The following CCDC77 variants were observed in gnomAD, a reference collection of about 807,000 sequenced individuals.
CCDC77 encodes coiled-coil domain containing 77.
CCDC77 carries 56 observed loss-of-function variants against 66.8 expected under a neutral mutation model. The observed-to-expected ratio is 0.84, with a 90% CI of 0.68 to 1.05. The LOEUF (loss-of-function observed/expected upper bound fraction) is 1.05, where lower values mean the gene tolerates loss of function less well. CCDC77 is among the 50% of genes least tolerant of loss of function. The pLI, the probability that CCDC77 is intolerant of heterozygous loss-of-function variation, is 0.00. For synonymous variants in CCDC77, 196 were observed against 195.2 expected, an observed-to-expected ratio of 1.00 and a Z score of -0.03; for missense variants, 570 against 576.8, an observed-to-expected ratio of 0.99 and a Z score of 0.12.
At chr12:389,392 TTCTTCTTC>T in exon 1 of CCDC77, 1 of 553,326 alleles carries the variant, frequency 1.8e-6, no homozygotes, top group Non-Finnish European at 3.3e-6. Context: ...TGGCCTTTCC[TTCTTCTTC>T]TCTTCCCCGG....
chr12:413,929 G>A (rs1738685607), intron 4 of CCDC77, among the ~76,000 whole-genome samples: 1 of 151,626 alleles, frequency 6.6e-6, no homozygotes, highest in Non-Finnish European at 1.5e-5. Context: ...CGCCCAGCTG[G>A]GAAATGTCTT....
At position 423,293 on chromosome 12, in the gene CCDC77, T is replaced by TA. The variant is rs1591981282; in HGVS notation, c.413+4657_413+4658insA. On this transcript the variant is annotated intron_variant, in intron 5 of 12. Coordinates refer to ENST00000239830, the MANE Select transcript of CCDC77 (RefSeq NM_032358.4). The stretch of plus-strand genomic sequence containing the variant: ...CATGTGCTGCCATGCCCAGCTAATT[T>TA]TTATATATATATATATTTTTTTTTT... 3.3e-4 allele frequency among the ~76,000 whole-genome samples: 24 copies of TA among 72,944 alleles called. 1 individual carries two copies. In the East Asian group the frequency reaches 6.1e-3, roughly 18 times the overall value. 47.9% of individuals were successfully genotyped at this position (72,944 alleles called of 152,430 possible).
intron 4 of CCDC77, among the ~76,000 whole-genome samples, chr12:416,804 G>A (rs1328641107): frequency 6.6e-6 from 1 of 152,014 alleles, no homozygotes; most frequent in African/African-American, 2.4e-5. Flanking sequence ...CTATTTCTAT[G>A]AATTAGAAAT....
chr12:431,529 C>G (rs1034757337), intron 7 of CCDC77, among the ~76,000 whole-genome samples: 1 of 152,150 alleles, frequency 6.6e-6, no homozygotes, highest in African/African-American at 2.4e-5. Flanking sequence ...AACACCTGGC[C>G]TTATTCTGAT....
upstream of CCDC77, among the ~76,000 whole-genome samples, chr12:397,057 C>A (rs537046781): frequency 1.2e-4 from 19 of 152,222 alleles, no homozygotes; most frequent in East Asian, 3.7e-3. Context: ...CAGGCATGTG[C>A]CACATGTAAC....
At position 418,714 on chromosome 12, in the gene CCDC77, G is replaced by C. The variant is rs565124815; in HGVS notation, c.413+78G>C. 3.4e-4 allele frequency: 492 copies of C among 1,431,964 alleles called. 1 individual carries two copies. The Middle Eastern group carries it at 5.5e-3, about 16-fold the overall frequency. 88.7% of individuals were successfully genotyped at this position (1,431,964 alleles called of 1,614,324 possible). A position where few individuals can be genotyped will look rare whatever the true frequency, so the allele number is the denominator to read the frequency against. On this transcript the variant is annotated intron_variant, in intron 5 of 12. Coordinates refer to ENST00000239830, the MANE Select transcript of CCDC77 (RefSeq NM_032358.4). ...TCATTCATTCATTCATTCATTCATT[G>C]ATTTAGAGGCAGTATCACTCTATTG...
rs560554667 is a variant in CCDC77, at chr12:430,876, C to T, written c.583+140C>T. On this transcript the variant is annotated intron_variant, in intron 7 of 12. Transcript: ENST00000239830. ...GGTGGATCACCTGAGGTCAGGAGTT[C>T]GAGACCAGCCTGGCCAACATGGCAA... 827 of 646,394 alleles carry T rather than the reference C, an allele frequency of 1.3e-3. 3 individuals are homozygous for T. Among genetic ancestry groups the T allele is most frequent in the Middle Eastern group, 2.7e-3 (9 of 3,324 alleles). 40.0% of individuals were successfully genotyped at this position (646,394 alleles called of 1,614,324 possible). A position where few individuals can be genotyped will look rare whatever the true frequency, so the allele number is the denominator to read the frequency against.
rs752522805 is a variant in CCDC77, at chr12:440,730, A to G, written c.1155A>G (p.Arg385=). The G allele has an allele frequency of 6.2e-7, 1 of 1,614,108 alleles. No individual in the cohort carries two copies. Among genetic ancestry groups the G allele is most frequent in the Non-Finnish European group, 8.5e-7 (1 of 1,180,050 alleles). The change falls in exon 11 of 13, where the codon AGA becomes AGG. Residue 385 remains arginine (R), a synonymous_variant. Transcript: ENST00000239830. ...TTCGTGAGGAAGAGGGAATGAGGAG[A>G]GAGATCTTCAAGGTACGAAATTATC... The part of the protein sequence containing the change: ...ARIREEEGMR[R]EIFKDRTNKM...
At chr12:433,033 G>A in intron 8 of CCDC77, 141 bp from the exon 9 acceptor site, 1 of 956,916 alleles carries the variant, frequency 1.0e-6, no homozygotes, top group South Asian at 1.6e-5. Flanking sequence ...ACCTTGTCTT[G>A]AAATGAACAA....
chr12:406,634 A>T (rs527273203), intron 2 of CCDC77, among the ~76,000 whole-genome samples: 3 of 152,330 alleles, frequency 2.0e-5, no homozygotes, highest in East Asian at 3.9e-4. Context: ...AGAATACATT[A>T]TAAGGGATGA....
chr12:421,456 AC>A (rs1189720470), intron 5 of CCDC77, among the ~76,000 whole-genome samples: 1 of 34,642 alleles, frequency 2.9e-5, no homozygotes, highest in Non-Finnish European at 4.4e-5. Context: ...GAGAGGGTAA[AC>A]ACACATAGCA....
intron 4 of CCDC77, among the ~76,000 whole-genome samples, chr12:415,360 T>TATGTTAATATAATCAACATAATATC (rs1945215103): frequency 8.9e-6 from 1 of 112,244 alleles, no homozygotes; most frequent in East Asian, 2.0e-4. Context: ...AACATAATAT[T>TATGTTAATATAATCAACATAATATC]ATGTTAATAT....
In CCDC77 at chr12:428,847, T is replaced by C. The variant is rs747122768; in HGVS notation, c.492T>C (p.Cys164=). 6.2e-7 allele frequency: 1 copy of C among 1,610,684 alleles called. No homozygotes were observed. Among genetic ancestry groups the C allele is most frequent in the Non-Finnish European group, 8.5e-7 (1 of 1,177,468 alleles). Residue 164 remains cysteine (C), a synonymous_variant, in exon 6 of 13, where the codon TGT becomes TGC. Transcript: ENST00000239830. ...GTDAGEVTYF[C]KEPPHKVTIL... ...ATGCTGGAGAAGTGACCTATTTTTGTAAGGAGCCTCCTCACAAAGTAAGTA... is the reference window on the plus strand; with the variant it reads ...ATGCTGGAGAAGTGACCTATTTTTGCAAGGAGCCTCCTCACAAAGTAAGTA...
intron 1 of CCDC77, among the ~76,000 whole-genome samples, chr12:402,044 G>A (rs913255291): frequency 3.3e-5 from 5 of 152,148 alleles, no homozygotes; most frequent in African/African-American, 9.7e-5. Context: ...AATACTGAAC[G>A]GTTGTTGGGA....
intron 10 of CCDC77, 27 bp downstream of exon 10, chr12:438,581 T>G (rs1389001244): frequency 1.9e-6 from 3 of 1,542,698 alleles, no homozygotes; most frequent in Non-Finnish European, 2.7e-6. Flanking sequence ...GTAACGAAGT[T>G]GTTTATTTTT....
At position 440,936 on chromosome 12, in the gene CCDC77, T is replaced by C; in HGVS notation, c.1260T>C (p.Phe420=). The change falls in exon 12 of 13, where the codon TTT becomes TTC. Residue 420 remains phenylalanine (F), a synonymous_variant. Transcript: ENST00000239830. Reference sequence around the variant, plus strand: ...GACGTATCCTGGAAGTAGAAGGCTTTAAGACAGATATTAAAGTTCTCCGAC... The same window carrying C: ...GACGTATCCTGGAAGTAGAAGGCTTCAAGACAGATATTAAAGTTCTCCGAC... ...ERRRILEVEG[F]KTDIKVLRQK... The C allele has an allele frequency of 6.2e-7, 1 of 1,613,616 alleles. No individual in the cohort carries two copies. Among genetic ancestry groups the C allele is most frequent in the Non-Finnish European group, 8.5e-7 (1 of 1,180,024 alleles).
intron 1 of CCDC77, among the ~76,000 whole-genome samples, chr12:396,176 G>C (rs1944826634): frequency 6.6e-6 from 1 of 152,206 alleles, no homozygotes; most frequent in African/African-American, 2.4e-5. Flanking sequence ...CAGATCACCT[G>C]AGGTCAGGAG....
At chr12:416,621 T>G (rs1945290355) in intron 4 of CCDC77, among the ~76,000 whole-genome samples, 4 of 148,538 alleles carry the variant, frequency 2.7e-5, no homozygotes, top group African/African-American at 9.8e-5. Flanking sequence ...GCCATGTTGG[T>G]CAGGCTGGTC....
chr12:405,769 T>C (rs1944978906), intron 2 of CCDC77, among the ~76,000 whole-genome samples: 1 of 152,162 alleles, frequency 6.6e-6, no homozygotes, highest in Admixed American at 6.6e-5. Flanking sequence ...TATATATACA[T>C]ATACACTTAG....
Sources: gnomAD v4.1 joint callset for allele counts (sites outside exome capture counted in the v4.1 genomes callset) on GRCh38, gnomAD v4.1.1 for gene constraint, MANE v1.5 for transcripts, NCBI Gene and HGNC (gene_info 2026-07-23, HGNC 2026-07-21) for gene names.